ACAP2: variants seen among roughly 807,000 people sequenced by gnomAD.
ACAP2 encodes the protein arf-GAP with coiled-coil, ANK repeat and PH domain-containing protein 2.
ACAP2 carries 39 observed loss-of-function variants against 115.8 expected under a neutral mutation model. The observed-to-expected ratio is 0.34, with a 90% CI of 0.26 to 0.44. The LOEUF (loss-of-function observed/expected upper bound fraction) is 0.44. Ranked by LOEUF, ACAP2 falls within the 20% of genes least tolerant of loss-of-function variation. The pLI is 1.00. For missense variants in ACAP2, 662 were observed against 927.6 expected, an observed-to-expected ratio of 0.71 and a Z score of 3.72; for synonymous variants, 289 against 315.8, an observed-to-expected ratio of 0.92 and a Z score of 0.90.
chr3:195,395,404 GCAAA>G (rs1157543671), intron 1 of ACAP2, among the ~76,000 whole-genome samples: 1 of 152,134 alleles, frequency 6.6e-6, no homozygotes, highest in Non-Finnish European at 1.5e-5. Flanking sequence ...ACAAAGGTCA[GCAAA>G]CAATTACCCA....
intron 6 of ACAP2, among the ~76,000 whole-genome samples, chr3:195,340,599 G>A (rs1730802868): frequency 6.6e-6 from 1 of 152,174 alleles, no homozygotes; most frequent in South Asian, 2.1e-4. Flanking sequence ...GAAGTTGGGA[G>A]GAAGACCTAA....
At chr3:195,433,241 AAATGTT>A (rs1160562073) in intron 1 of ACAP2, among the ~76,000 whole-genome samples, 2 of 152,208 alleles carry the variant, frequency 1.3e-5, no homozygotes, top group African/African-American at 4.8e-5. Flanking sequence ...AATGCAATGT[AAATGTT>A]ATGTGTAAAT....
At chr3:195,416,665 T>C (rs922427552) in intron 1 of ACAP2, among the ~76,000 whole-genome samples, 5 of 152,190 alleles carry the variant, frequency 3.3e-5, no homozygotes, top group East Asian at 1.9e-4. Context: ...AAATAGGAAA[T>C]GAATATCCAG....
At chr3:195,348,799 A>G (rs958987255) in intron 4 of ACAP2, among the ~76,000 whole-genome samples, 1 of 152,208 alleles carries the variant, frequency 6.6e-6, no homozygotes, top group African/African-American at 2.4e-5. Context: ...GAATATAGAC[A>G]TATAAGGTAC....
intron 8 of ACAP2, among the ~76,000 whole-genome samples, chr3:195,330,355 C>T (rs560085447): frequency 3.9e-5 from 6 of 152,138 alleles, no homozygotes; most frequent in Non-Finnish European, 7.3e-5. Flanking sequence ...GCACTATAGG[C>T]TCTGGGGCTT....
At chr3:195,346,339 C>T (rs1263288674) in intron 4 of ACAP2, among the ~76,000 whole-genome samples, 4 of 152,084 alleles carry the variant, frequency 2.6e-5, no homozygotes, top group African/African-American at 9.6e-5. Flanking sequence ...TGGTTCTTAG[C>T]GAATATTATA....
At chr3:195,374,586 C>T (rs1733386863) in intron 4 of ACAP2, among the ~76,000 whole-genome samples, 2 of 152,162 alleles carry the variant, frequency 1.3e-5, no homozygotes, top group South Asian at 2.1e-4. Flanking sequence ...TATTCCTCTG[C>T]CTTTTGCTAA....
At chr3:195,296,288 A>G (rs1727653013) in intron 16 of ACAP2, among the ~76,000 whole-genome samples, 1 of 152,186 alleles carries the variant, frequency 6.6e-6, no homozygotes. Flanking sequence ...ATAATTTCAC[A>G]TACTGAACGA....
chr3:195,304,781 T>C (rs1489105062), intron 13 of ACAP2, among the ~76,000 whole-genome samples: 3 of 152,212 alleles, frequency 2.0e-5, no homozygotes, highest in South Asian at 2.1e-4. Context: ...CTGACGATGG[T>C]TGTTCCTCAA....
At chr3:195,361,766 A>C (rs1732388630) in intron 4 of ACAP2, among the ~76,000 whole-genome samples, 1 of 152,100 alleles carries the variant, frequency 6.6e-6, no homozygotes. Context: ...AAGATTAAAA[A>C]ACTGACAAAC....
chr3:195,301,116 C>G (rs1260595108), intron 15 of ACAP2, among the ~76,000 whole-genome samples: 1 of 150,764 alleles, frequency 6.6e-6, no homozygotes, highest in Non-Finnish European at 1.5e-5. Context: ...GAGACGGAGT[C>G]TCTCTGTTAC....
intron 1 of ACAP2, among the ~76,000 whole-genome samples, chr3:195,435,087 A>G (rs1354084308): frequency 6.6e-6 from 1 of 151,386 alleles, no homozygotes; most frequent in Non-Finnish European, 1.5e-5. Context: ...TTTCTGCTCT[A>G]CCTTTTTTAG....
intron 1 of ACAP2, among the ~76,000 whole-genome samples, chr3:195,405,028 G>C (rs1271801732): frequency 1.3e-5 from 2 of 151,792 alleles, no homozygotes; most frequent in Non-Finnish European, 2.9e-5. Context: ...TCGAACTCCT[G>C]ATCTCAAGTG....
chr3:195,429,522 T>C (rs371065201), intron 1 of ACAP2, among the ~76,000 whole-genome samples: 3 of 152,212 alleles, frequency 2.0e-5, no homozygotes, highest in South Asian at 2.1e-4. Context: ...TGTTCAACGA[T>C]AGGCAAAACT....
intron 15 of ACAP2, 21 bp from the exon 16 acceptor site, chr3:195,297,302 G>T (rs371671908): frequency 1.3e-6 from 2 of 1,593,178 alleles, no homozygotes; most frequent in Admixed American, 1.7e-5. Context: ...AAAAAAAATA[G>T]AAAAATAAGC....
In ACAP2 at chr3:195,294,862, A is replaced by G. The variant is rs933394029; in HGVS notation, c.1673-51T>C. ...GATTAAAGTTCATGCCATTTAGAAA[A>G]CAATCTCCCACAAACAAGGTTTTAA... On this transcript the variant is annotated intron_variant, in intron 17 of 22. Coordinates refer to ENST00000326793, the MANE Select transcript of ACAP2 (RefSeq NM_012287.6). The G allele has an allele frequency of 4.3e-6, 5 of 1,167,230 alleles. No homozygotes were observed. The Admixed American group carries it at 5.3e-5, about 12-fold the overall frequency. The allele number at this position is 1,167,230 out of a possible 1,614,324, so 72.3% of individuals were successfully genotyped here.
At chr3:195,348,202 T>C (rs1004308200) in intron 4 of ACAP2, among the ~76,000 whole-genome samples, 1 of 152,104 alleles carries the variant, frequency 6.6e-6, no homozygotes, top group Non-Finnish European at 1.5e-5. Flanking sequence ...TGCAGCATAA[T>C]ATACCTTTGG....
chr3:195,367,533 C>A (rs1732810152), intron 4 of ACAP2, among the ~76,000 whole-genome samples: 1 of 152,132 alleles, frequency 6.6e-6, no homozygotes. Flanking sequence ...TTCCTCCCAT[C>A]CCTGCAGGTG....
chr3:195,382,529 T>A (rs1734016731), intron 2 of ACAP2, among the ~76,000 whole-genome samples: 1 of 152,098 alleles, frequency 6.6e-6, no homozygotes, highest in Non-Finnish European at 1.5e-5. Context: ...ATTCCTTCCT[T>A]CCTTCTTTCT....
Sources: gnomAD v4.1 joint callset for allele counts (sites outside exome capture counted in the v4.1 genomes callset) on GRCh38, gnomAD v4.1.1 for gene constraint, MANE v1.5 for transcripts, NCBI Gene and HGNC (gene_info 2026-07-23, HGNC 2026-07-21) for gene names.